The following CNNM1 variants were observed in gnomAD, a reference collection of about 807,000 sequenced individuals.
The protein encoded by CNNM1 is cyclin and CBS domain divalent metal cation transport mediator 1.
Under a neutral mutation model 78.8 loss-of-function variants are expected in CNNM1, and 44 were observed. The observed-to-expected ratio is 0.56, with a 90% CI of 0.44 to 0.72. CNNM1 has a LOEUF of 0.72. Ranked by LOEUF, CNNM1 falls within the 30% of genes least tolerant of loss-of-function variation. The probability of loss-of-function intolerance (pLI) is 0.00; values close to 1 mark genes in which losing one functional copy is unlikely to be tolerated. For missense variants in CNNM1, 1,101 were observed against 1,292.2 expected, an observed-to-expected ratio of 0.85 and a Z score of 2.27; for synonymous variants, 584 against 581.5, an observed-to-expected ratio of 1.00 and a Z score of -0.06.
chr10:99,368,769 T>G, intron 6 of CNNM1: 2 of 912,462 alleles, frequency 2.2e-6, no homozygotes, highest in Non-Finnish European at 1.6e-6. Flanking sequence ...GCATGAGAAC[T>G]AATCACTCCA....
At position 99,387,993 on chromosome 10, in the gene CNNM1, C is replaced by G; in HGVS notation, c.2514C>G (p.Asn838Lys). The G allele has an allele frequency of 6.3e-7, 1 of 1,590,086 alleles. No homozygotes were observed. The highest frequency in any genetic ancestry group is 2.2e-5 in the East Asian group (1 of 44,712). ...DPAITLLNNR[N>K]SLPCSRSDGL... ...CCATCACGCTCCTCAACAACAGGAA[C>G]AGCCTGCCGTGTAAGTCAGCTGGGC... Residue 838 changes from asparagine (N) to lysine (K), a missense_variant, in exon 8 of 11, where the codon AAC (asparagine) becomes AAG (lysine). Physicochemically the swap from Asn to Lys is moderately conservative, Grantham distance 94. This residue lies in a region of CNNM1 where 348 missense variants were observed against 384.5 expected (regional missense o/e 0.90). Transcript: ENST00000356713.
intron 1 of CNNM1, among the ~76,000 whole-genome samples, chr10:99,350,600 G>C (rs2030906513): frequency 6.6e-6 from 1 of 152,132 alleles, no homozygotes; most frequent in Non-Finnish European, 1.5e-5. Context: ...AAATACAGTT[G>C]TGATGTTGCT....
At chr10:99,331,012 A>G (rs987584044) in intron 1 of CNNM1, 52 bp downstream of exon 1, 5 of 1,520,262 alleles carry the variant, frequency 3.3e-6, no homozygotes, top group Non-Finnish European at 4.4e-6. Flanking sequence ...CAAAGGTATT[A>G]TCCTTTCCTA....
rs760696046 is a variant in CNNM1 at position 99,362,321 on chromosome 10, G to A, written c.1953G>A (p.Glu651=). ...TGATCCAGGAGCTGAAGTTTGATGA[G>A]AAGAACAAGAAGGCCCCGGAACACT... ...PNVIQELKFD[E]KNKKAPEHYL... is the part of the protein sequence containing the mutation. The change falls in exon 4 of 11, where the codon GAG becomes GAA. Residue 651 remains glutamate, a synonymous_variant. Coordinates refer to ENST00000356713, the MANE Select transcript of CNNM1 (RefSeq NM_020348.3). 8 of 1,613,912 alleles carry A rather than the reference G, an allele frequency of 5.0e-6. No homozygotes were observed. In the African/African-American group the frequency reaches 9.3e-5, roughly 19 times the overall value.
chr10:99,375,690 C>T (rs1289036661), intron 6 of CNNM1, among the ~76,000 whole-genome samples: 2 of 152,236 alleles, frequency 1.3e-5, no homozygotes, highest in Non-Finnish European at 2.9e-5. Context: ...AAATATTTTG[C>T]TTTATCTCAA....
chr10:99,357,884 C>T (rs1237346368), intron 2 of CNNM1, among the ~76,000 whole-genome samples: 1 of 152,138 alleles, frequency 6.6e-6, no homozygotes, highest in East Asian at 1.9e-4. Context: ...CCTTCAGGAA[C>T]TGAGCCAAGA....
At chr10:99,384,008 A>C (rs765290637) in intron 7 of CNNM1, among the ~76,000 whole-genome samples, 4 of 152,250 alleles carry the variant, frequency 2.6e-5, no homozygotes, top group Non-Finnish European at 5.9e-5. Flanking sequence ...CACTTTAACT[A>C]ATCACATGAT....
chr10:99,334,026 G>A (rs555806342), intron 1 of CNNM1, among the ~76,000 whole-genome samples: 3 of 152,322 alleles, frequency 2.0e-5, no homozygotes, highest in Non-Finnish European at 2.9e-5. Context: ...AGTAAGGTCC[G>A]TGAAACAGCA....
intron 1 of CNNM1, among the ~76,000 whole-genome samples, chr10:99,356,602 AAG>A (rs1491080093): frequency 2.1e-5 from 3 of 139,826 alleles, no homozygotes; most frequent in Admixed American, 1.4e-4. Flanking sequence ...GAAAGAAAGA[AAG>A]AAAAGAAAGA....
chr10:99,384,542 G>C (rs1446296753), intron 7 of CNNM1, among the ~76,000 whole-genome samples: 1 of 150,338 alleles, frequency 6.7e-6, no homozygotes, highest in African/African-American at 2.5e-5. Context: ...TAGTGTGGCC[G>C]TCTGAATCTT....
chr10:99,365,174 A>C, intron 6 of CNNM1, 172 bp downstream of exon 6: 1 of 712,064 alleles, frequency 1.4e-6, no homozygotes, highest in Non-Finnish European at 2.5e-6. Flanking sequence ...CCCACAGACC[A>C]TGGGAGCTTA....
chr10:99,367,599 T>C (rs976346369), intron 6 of CNNM1, among the ~76,000 whole-genome samples: 12 of 152,290 alleles, frequency 7.9e-5, no homozygotes, highest in African/African-American at 2.9e-4. Flanking sequence ...ATAGAGAGTT[T>C]CTTAACTCCA....
chr10:99,329,664 A>G lies in CNNM1; in HGVS notation c.277A>G (p.Asn93Asp), dbSNP rs746396934. The change falls in exon 1 of 11, where the codon AAC becomes GAC. Residue 93 changes from asparagine to aspartate, a missense_variant. Transcript: ENST00000356713. ...TAAPVPSPTL[N>D]SGENGTGDWA... ...CGCACCGGTGCCCTCACCGACCCTC[A>G]ACTCGGGGGAGAATGGCACCGGCGA... 1.6e-5 allele frequency: 25 copies of G among 1,553,094 alleles called. No individual in the cohort carries two copies. The highest frequency in any genetic ancestry group is 2.5e-5 in the East Asian group (1 of 39,906).
In CNNM1 at chr10:99,391,541, G is replaced by C. The variant is rs759419989; in HGVS notation, c.*25G>C. ...ACAGGGCAAAGCCAGCATTCACTGG[G>C]TGTGTGAAATTCCAGAGCTTTGGGG... On this transcript the variant is annotated 3_prime_UTR_variant, in exon 11 of 11. Coordinates refer to ENST00000356713, the MANE Select transcript of CNNM1 (RefSeq NM_020348.3). The C allele has an allele frequency of 1.9e-6, 3 of 1,600,796 alleles. No homozygotes were observed. The highest frequency in any genetic ancestry group is 2.2e-5 in the South Asian group (2 of 90,244).
At chr10:99,357,409 A>G in intron 1 of CNNM1, 103 bp from the exon 2 acceptor site, 1 of 1,179,534 alleles carries the variant, frequency 8.5e-7, no homozygotes, top group East Asian at 2.4e-5. Flanking sequence ...GGATGAGTGC[A>G]ATCCTGAGAT....
At chr10:99,349,407 A>T (rs561306659) in intron 1 of CNNM1, among the ~76,000 whole-genome samples, 116 of 152,054 alleles carry the variant, frequency 7.6e-4, no homozygotes, top group Non-Finnish European at 1.4e-3. Context: ...GGTGAGGATT[A>T]AAAAAAAGGA....
At chr10:99,350,329 C>T (rs991458002) in intron 1 of CNNM1, among the ~76,000 whole-genome samples, 2 of 152,170 alleles carry the variant, frequency 1.3e-5, no homozygotes, top group African/African-American at 4.8e-5. Flanking sequence ...AACGATTTTG[C>T]TTAGTTCTCT....
In CNNM1 at chr10:99,357,577, G is replaced by T; in HGVS notation, c.1639G>T (p.Val547Leu). The part of the protein sequence containing the change: ...NEGEGDPFYE[V>L]MGIVTLEDII... ...GGGAGAAGGGGACCCTTTCTATGAG[G>T]TGATGGGCATTGTCACGCTGGAGGA... Residue 547 changes from valine to leucine, a missense_variant, in exon 2 of 11, where the codon GTG becomes TTG. By Grantham distance (32) the Val-to-Leu change is conservative (BLOSUM62 1). This residue lies in a region of CNNM1 where 277 missense variants were observed against 423.2 expected (regional missense o/e 0.65). Transcript: ENST00000356713. 6.2e-7 allele frequency: 1 copy of T among 1,613,762 alleles called. No homozygotes were observed. Among genetic ancestry groups the T allele is most frequent in the Non-Finnish European group, 8.5e-7 (1 of 1,179,748 alleles).
chr10:99,353,672 A>G (rs1268576658), intron 1 of CNNM1, among the ~76,000 whole-genome samples: 2 of 152,290 alleles, frequency 1.3e-5, no homozygotes, highest in Admixed American at 1.3e-4. Context: ...TGTGAGTGTC[A>G]ACTCGGAATA....
Sources: gnomAD v4.1 joint callset for allele counts (sites outside exome capture counted in the v4.1 genomes callset) on GRCh38, gnomAD v4.1.1 for gene constraint, gnomAD v4.1.1 regional missense constraint, MANE v1.5 for transcripts, NCBI Gene and HGNC (gene_info 2026-07-23, HGNC 2026-07-21) for gene names.